NRXN3: variants seen among roughly 807,000 people sequenced by gnomAD.
The protein encoded by NRXN3 is neurexin III.
Under a neutral mutation model 137.6 loss-of-function variants are expected in NRXN3, and 32 were observed. The ratio of observed to expected loss-of-function variants is 0.23; its 90% CI spans 0.18 to 0.31. NRXN3 has a LOEUF of 0.31. Among genes scored for constraint, NRXN3 ranks in the 10% least tolerant of loss-of-function variants. The pLI is 1.00. For synonymous variants in NRXN3, 798 were observed against 784.5 expected (o/e 1.02, Z -0.29); for missense variants, 1,574 against 2,062.5 (o/e 0.76, Z 4.59).
At chr14:79,838,458 A>C (rs1245754064) in intron 20 of NRXN3, among the ~76,000 whole-genome samples, 7 of 152,270 alleles carry the variant, frequency 4.6e-5, no homozygotes, top group African/African-American at 1.7e-4. Context: ...GTGTTTCTCA[A>C]ATTTTTTTTA....
intron 5 of NRXN3, 81 bp from the exon 6 acceptor site, chr14:78,651,084 C>G: frequency 7.8e-7 from 1 of 1,285,200 alleles, no homozygotes; most frequent in South Asian, 1.4e-5. Context: ...AGTGATGCCA[C>G]AAGTAGGGGA....
intron 16 of NRXN3, among the ~76,000 whole-genome samples, chr14:79,486,586 A>G (rs965479358): frequency 2.6e-5 from 4 of 152,184 alleles, no homozygotes; most frequent in Non-Finnish European, 4.4e-5. Flanking sequence ...TGCAGAGCCT[A>G]TAAGCGAATA....
At chr14:79,850,029 C>A (rs2099388468) in intron 20 of NRXN3, among the ~76,000 whole-genome samples, 1 of 152,202 alleles carries the variant, frequency 6.6e-6, no homozygotes, top group Non-Finnish European at 1.5e-5. Flanking sequence ...GCCATCCATT[C>A]TCCCAGAATT....
At chr14:79,837,361 A>G (rs995266754) in intron 20 of NRXN3, among the ~76,000 whole-genome samples, 5 of 152,134 alleles carry the variant, frequency 3.3e-5, no homozygotes, top group African/African-American at 1.2e-4. Flanking sequence ...ACAGAGACTA[A>G]GTCACTTAGT....
At chr14:78,542,443 G>A (rs894360785) in intron 4 of NRXN3, among the ~76,000 whole-genome samples, 15 of 152,346 alleles carry the variant, frequency 9.8e-5, no homozygotes, top group African/African-American at 3.6e-4. Context: ...TTCAATCTCA[G>A]ACTGTTGCGC....
chr14:78,718,474 A>G (rs2098444547), intron 8 of NRXN3, among the ~76,000 whole-genome samples: 1 of 152,198 alleles, frequency 6.6e-6, no homozygotes, highest in African/African-American at 2.4e-5. Context: ...AGATAAATCT[A>G]AGAGACAATT....
intron 15 of NRXN3, among the ~76,000 whole-genome samples, chr14:79,362,468 A>G (rs1415293491): frequency 6.6e-6 from 1 of 152,184 alleles, no homozygotes; most frequent in Non-Finnish European, 1.5e-5. Flanking sequence ...TTAATTGTTC[A>G]ATTATTGGAG....
chr14:78,708,163 A>AT (rs953258243), intron 6 of NRXN3, among the ~76,000 whole-genome samples: 1 of 152,144 alleles, frequency 6.6e-6, no homozygotes, highest in African/African-American at 2.4e-5. Context: ...GTCATAACAG[A>AT]TTTTTTTAAC....
intron 15 of NRXN3, among the ~76,000 whole-genome samples, chr14:79,322,744 T>A (rs1394279392): frequency 6.6e-6 from 1 of 152,234 alleles, no homozygotes; most frequent in Non-Finnish European, 1.5e-5. Flanking sequence ...TCAGGGAATT[T>A]CAGTTGACCA....
chr14:78,805,411 C>G (rs912627163), intron 9 of NRXN3, among the ~76,000 whole-genome samples: 14 of 151,868 alleles, frequency 9.2e-5, no homozygotes, highest in African/African-American at 3.4e-4. Flanking sequence ...TTCAAAGGCC[C>G]AAAGCCTGCG....
chr14:79,777,925 T>G (rs1481850826), intron 19 of NRXN3, among the ~76,000 whole-genome samples: 1 of 151,846 alleles, frequency 6.6e-6, no homozygotes, highest in Non-Finnish European at 1.5e-5. Context: ...ACCTCAAGAT[T>G]TTACAGAAAA....
At chr14:79,230,308 A>G (rs1000980606) in intron 15 of NRXN3, among the ~76,000 whole-genome samples, 14 of 152,090 alleles carry the variant, frequency 9.2e-5, no homozygotes, top group East Asian at 1.9e-4. Flanking sequence ...CTCTCCTATC[A>G]TTGTTGGGTG....
In NRXN3 at chr14:79,861,838, G is replaced by A; in HGVS notation, c.4590G>A (p.Val1530=). 2 of 1,614,152 alleles carry A rather than the reference G, an allele frequency of 1.2e-6. No individual in the cohort carries two copies. The highest frequency in any genetic ancestry group is 1.6e-4 in the Middle Eastern group (1 of 6,062). The part of the protein sequence containing the change: ...YRNRDEGSYQ[V]DETRNYISNS... ...ACAGGGACGAGGGGTCCTATCAAGT[G>A]GACGAGACGCGGAACTACATCAGCA... Residue 1530 remains valine (V), a synonymous_variant, in exon 21 of 21, where the codon GTG becomes GTA. Transcript: ENST00000335750. The surrounding 1 kb of genome is among the most constrained non-coding windows in gnomAD (Gnocchi z 5.4).
chr14:78,220,605 G>A (rs1178844556), intron 1 of NRXN3, among the ~76,000 whole-genome samples: 1 of 152,106 alleles, frequency 6.6e-6, no homozygotes, highest in Non-Finnish European at 1.5e-5. Context: ...TCTTCAAGGC[G>A]AGGGAAGAGG....
At chr14:78,708,299 T>C (rs1238633356) in intron 6 of NRXN3, among the ~76,000 whole-genome samples, 1 of 152,188 alleles carries the variant, frequency 6.6e-6, no homozygotes, top group Non-Finnish European at 1.5e-5. Flanking sequence ...CCTTGCAAGG[T>C]GAATTAGTAT....
At chr14:78,306,351 T>A (rs1201355226) in intron 4 of NRXN3, among the ~76,000 whole-genome samples, 1 of 152,198 alleles carries the variant, frequency 6.6e-6, no homozygotes, top group Non-Finnish European at 1.5e-5. Flanking sequence ...GCTTATCCAG[T>A]TGAGTTAGTT....
At chr14:78,574,549 A>G (rs182714454) in intron 4 of NRXN3, among the ~76,000 whole-genome samples, 1 of 152,308 alleles carries the variant, frequency 6.6e-6, no homozygotes, top group African/African-American at 2.4e-5. Context: ...GAGCTTTAAG[A>G]TTTAACTGCC....
intron 15 of NRXN3, among the ~76,000 whole-genome samples, chr14:79,062,113 G>A (rs765873828): frequency 2.1e-4 from 32 of 152,018 alleles, no homozygotes; most frequent in Non-Finnish European, 3.4e-4. Context: ...ATCTTCAAGG[G>A]GTCCCCATTA....
chr14:79,117,403 GA>G (rs1204381749), intron 15 of NRXN3, among the ~76,000 whole-genome samples: 4 of 152,086 alleles, frequency 2.6e-5, no homozygotes, highest in Non-Finnish European at 4.4e-5. Context: ...TTGGTTATCA[GA>G]ACATGTTTGT....
Sources: gnomAD v4.1 joint callset for allele counts (sites outside exome capture counted in the v4.1 genomes callset) on GRCh38, gnomAD v4.1.1 for gene constraint, Gnocchi (gnomAD v3.1) non-coding constraint, MANE v1.5 for transcripts, NCBI Gene and HGNC (gene_info 2026-07-23, HGNC 2026-07-21) for gene names.